The following ATP6V0A4 variants were observed in gnomAD, a reference collection of about 807,000 sequenced individuals.
The protein encoded by ATP6V0A4 is ATPase H+ transporting V0 subunit a4, also known as V-type proton ATPase 116 kDa subunit a 4.
ATP6V0A4 carries 86 observed loss-of-function variants against 107.3 expected under a neutral mutation model. The observed-to-expected ratio is 0.80, with a 90% CI of 0.67 to 0.96. The LOEUF is 0.96. Among genes scored for constraint, ATP6V0A4 ranks in the 40% least tolerant of loss-of-function variants. ATP6V0A4 has a pLI of 0.00. For synonymous variants in ATP6V0A4, 353 were observed against 381.4 expected, an observed-to-expected ratio of 0.93 and a Z score of 0.87; for missense variants, 908 against 1,045.6, an observed-to-expected ratio of 0.87 and a Z score of 1.81.
At chr7:138,724,223 G>A (rs1804593151) in intron 18 of ATP6V0A4, among the ~76,000 whole-genome samples, 1 of 150,870 alleles carries the variant, frequency 6.6e-6, no homozygotes, top group Admixed American at 6.6e-5. Flanking sequence ...GTGTGTATAG[G>A]GGTTCTAGCT....
chr7:138,793,131 C>A (rs1486603261), intron 1 of ATP6V0A4, among the ~76,000 whole-genome samples: 1 of 151,910 alleles, frequency 6.6e-6, no homozygotes, highest in Non-Finnish European at 1.5e-5. Context: ...CCTGTTTCTA[C>A]CAAAAATACA....
chr7:138,750,818 C>T (rs193239232), intron 11 of ATP6V0A4, among the ~76,000 whole-genome samples: 17 of 152,264 alleles, frequency 1.1e-4, no homozygotes, highest in Admixed American at 1.1e-3. Context: ...GTGGGGGCAT[C>T]GACTGTTTTG....
At chr7:138,731,615 A>G (rs1584906364) in intron 17 of ATP6V0A4, among the ~76,000 whole-genome samples, 1 of 152,234 alleles carries the variant, frequency 6.6e-6, no homozygotes, top group Middle Eastern at 3.4e-3. Flanking sequence ...AATATTGGCC[A>G]GGTGTGGTGG....
In ATP6V0A4 at chr7:138,749,373, G is replaced by A. The variant is rs999847064; in HGVS notation, c.1030-56C>T. 5 of 1,590,236 alleles carry A rather than the reference G, an allele frequency of 3.1e-6. No homozygotes were observed. In the African/African-American group the frequency reaches 5.4e-5, roughly 17 times the overall value. ...TAAGGAGAAGAGTCTTGGGCTGGGT[G>A]TCAGCACAAAGGTCACAGTCCCAGC... On this transcript the variant is annotated intron_variant, in intron 11 of 21. Coordinates refer to ENST00000310018, the MANE Select transcript of ATP6V0A4 (RefSeq NM_020632.3).
chr7:138,708,833 G>T (rs1803583233), intron 21 of ATP6V0A4, among the ~76,000 whole-genome samples: 1 of 152,166 alleles, frequency 6.6e-6, no homozygotes, highest in African/African-American at 2.4e-5. Flanking sequence ...CAGCACTTTG[G>T]GAGGCTGAGG....
intron 15 of ATP6V0A4, 113 bp downstream of exon 15, chr7:138,739,427 T>C: frequency 2.3e-6 from 3 of 1,322,856 alleles, no homozygotes; most frequent in South Asian, 2.6e-5. Context: ...AGTTATTTTA[T>C]CTCAACACAA....
intron 13 of ATP6V0A4, among the ~76,000 whole-genome samples, chr7:138,746,395 T>C (rs962733921): frequency 6.6e-6 from 1 of 152,108 alleles, no homozygotes; most frequent in Non-Finnish European, 1.5e-5. Context: ...CAAAATCATA[T>C]CTTTAAGCTT....
In ATP6V0A4 at chr7:138,746,507, AT is replaced by A. The variant is rs568581159; in HGVS notation, c.1320+917del. Reference sequence around the variant, plus strand: ...CAACCTGTAATAAAACATTGCAGATATTTTTTTTTTTTTTAAGATGGAGTCC... The same window carrying A: ...CAACCTGTAATAAAACATTGCAGATATTTTTTTTTTTTTAAGATGGAGTCC... On this transcript the variant is annotated intron_variant, in intron 13 of 21. Transcript: ENST00000310018. 5.5e-3 allele frequency among the ~76,000 whole-genome samples: 796 copies of A among 144,606 alleles called. 1 individual carries two copies. Among genetic ancestry groups the A allele is most frequent in the African/African-American group, 9.9e-3 (393 of 39,714 alleles). The allele number at this position is 144,606 out of a possible 152,430, so 94.9% of individuals were successfully genotyped here.
intron 15 of ATP6V0A4, among the ~76,000 whole-genome samples, chr7:138,737,542 T>C (rs1027478497): frequency 6.6e-6 from 1 of 151,334 alleles, no homozygotes; most frequent in Admixed American, 6.6e-5. Context: ...CTGCAGGAAC[T>C]GGAGAGGTAG....
Position 138,759,929 on chromosome 7 carries a change from A to G in ATP6V0A4, c.513-51T>C, listed in dbSNP as rs375373362. On this transcript the variant is annotated intron_variant, in intron 7 of 21. Coordinates refer to ENST00000310018, the MANE Select transcript of ATP6V0A4 (RefSeq NM_020632.3). ...CCTTAAGGCACAGGGATTGGGATGC[A>G]GAGAGAAGGCCCTGTAGGACGTGAA... The G allele has an allele frequency of 1.6e-5, 26 of 1,613,070 alleles. No homozygotes were observed. In the African/African-American group the frequency reaches 3.2e-4, roughly 20 times the overall value.
intron 10 of ATP6V0A4, among the ~76,000 whole-genome samples, chr7:138,755,094 C>T (rs1806441421): frequency 6.6e-6 from 1 of 152,184 alleles, no homozygotes; most frequent in African/African-American, 2.4e-5. Context: ...AACTCTAGCA[C>T]TGATGAGAGT....
intron 20 of ATP6V0A4, 50 bp from the exon 21 acceptor site, chr7:138,709,845 A>C (rs775917004): frequency 6.3e-7 from 1 of 1,592,718 alleles, no homozygotes. Context: ...GCAGATTGTT[A>C]TTTATTGTAT....
chr7:138,749,683 A>G (rs1309761309), intron 11 of ATP6V0A4, among the ~76,000 whole-genome samples: 1 of 151,796 alleles, frequency 6.6e-6, no homozygotes, highest in Non-Finnish European at 1.5e-5. Flanking sequence ...TTTTTTCCTA[A>G]TTGCCTGCTT....
chr7:138,723,708 T>G (rs1227436645), intron 18 of ATP6V0A4, among the ~76,000 whole-genome samples: 1 of 151,802 alleles, frequency 6.6e-6, no homozygotes, highest in East Asian at 1.9e-4. Flanking sequence ...GTATTTTTAA[T>G]AGAGACGGGG....
At chr7:138,728,592 G>A (rs1444348001) in intron 18 of ATP6V0A4, among the ~76,000 whole-genome samples, 169 bp downstream of exon 18, 3 of 152,080 alleles carry the variant, frequency 2.0e-5, no homozygotes, top group Admixed American at 2.0e-4. Flanking sequence ...ACGGCCCAGT[G>A]GAAAAGTCTA....
chr7:138,756,196 C>CATCA (rs1372676843), intron 9 of ATP6V0A4, among the ~76,000 whole-genome samples: 1 of 152,244 alleles, frequency 6.6e-6, no homozygotes, highest in African/African-American at 2.4e-5. Context: ...TCTGGAGCAG[C>CATCA]TGATGAAAAG....
chr7:138,781,804 C>A (rs1010608579), intron 2 of ATP6V0A4, among the ~76,000 whole-genome samples: 2 of 150,066 alleles, frequency 1.3e-5, no homozygotes, highest in Non-Finnish European at 3.0e-5. Flanking sequence ...ATCTTCTCAG[C>A]AATTTTTTTT....
Position 138,798,115 on chromosome 7 carries a change from TC to T in ATP6V0A4, c.-203del. On this transcript the variant is annotated 5_prime_UTR_variant, in exon 1 of 22. Transcript: ENST00000310018. ...AGCACAGCCTCCAGCATGCAGCGCCTCCCCGCTGCCACCCGGGCCACCCTGA... is the reference window on the plus strand; with the variant it reads ...AGCACAGCCTCCAGCATGCAGCGCCTCCCGCTGCCACCCGGGCCACCCTGA... 1 of 1,598,730 alleles carries T rather than the reference TC, an allele frequency of 6.3e-7. No individual in the cohort carries two copies. Among genetic ancestry groups the T allele is most frequent in the Non-Finnish European group, 8.5e-7 (1 of 1,173,382 alleles).
At position 138,709,840 on chromosome 7, in the gene ATP6V0A4, T is replaced by C. The variant is rs745981783; in HGVS notation, c.2258-45A>G. 5 of 1,596,068 alleles carry C rather than the reference T, an allele frequency of 3.1e-6. No homozygotes were observed. In the South Asian group the frequency reaches 4.5e-5, roughly 14 times the overall value. On this transcript the variant is annotated intron_variant, in intron 20 of 21. Coordinates refer to ENST00000310018, the MANE Select transcript of ATP6V0A4 (RefSeq NM_020632.3). ...ACTGGGATTATCTTGTAAATGCAGA[T>C]TGTTATTTATTGTATTTTCTCATCT...
Sources: allele counts gnomAD v4.1 joint callset (sites outside exome capture counted in the v4.1 genomes callset), GRCh38; gene constraint gnomAD v4.1.1; transcripts MANE v1.5; gene names NCBI Gene and HGNC (gene_info 2026-07-23, HGNC 2026-07-21).